Variants in ZBTB38 observed in about 807,000 individuals in gnomAD.
ZBTB38 encodes zinc finger and BTB domain containing 38.
ZBTB38 carries 20 observed loss-of-function variants against 76.8 expected under a neutral mutation model. That is an observed-to-expected ratio of 0.26 (90% CI 0.18 to 0.38). The LOEUF is 0.38. Ranked by LOEUF, ZBTB38 falls within the 10% of genes least tolerant of loss-of-function variation. ZBTB38 has a pLI of 1.00. For synonymous variants in ZBTB38, 504 were observed against 544.2 expected, an observed-to-expected ratio of 0.93 and a Z score of 1.03; for missense variants, 1,082 against 1,482.3, an observed-to-expected ratio of 0.73 and a Z score of 4.43.
intron 3 of ZBTB38, among the ~76,000 whole-genome samples, chr3:141,382,951 A>G (rs1430282437): frequency 6.6e-6 from 1 of 152,220 alleles, no homozygotes; most frequent in East Asian, 1.9e-4. Context: ...CTTTGCAATC[A>G]ATCAAACTTA....
chr3:141,416,430 G>T (rs2074067221), intron 5 of ZBTB38, among the ~76,000 whole-genome samples: 1 of 152,138 alleles, frequency 6.6e-6, no homozygotes, highest in Admixed American at 6.5e-5. Flanking sequence ...AACACAACTT[G>T]GGAGTGCAGC....
intron 1 of ZBTB38, among the ~76,000 whole-genome samples, chr3:141,354,053 T>A (rs563041976): frequency 6.6e-6 from 1 of 152,248 alleles, no homozygotes; most frequent in East Asian, 1.9e-4. Flanking sequence ...AAGTCAATAA[T>A]CCCTTCACAC....
At chr3:141,429,149 A>T (rs1259437062) in intron 5 of ZBTB38, among the ~76,000 whole-genome samples, 1 of 152,176 alleles carries the variant, frequency 6.6e-6, no homozygotes, top group East Asian at 1.9e-4. Flanking sequence ...TTTTGTATGC[A>T]GTATATTGGA....
intron 1 of ZBTB38, among the ~76,000 whole-genome samples, chr3:141,369,602 T>A (rs1040317432): frequency 2.6e-5 from 4 of 152,208 alleles, no homozygotes; most frequent in Admixed American, 2.0e-4. Flanking sequence ...TTTTCCCGGC[T>A]TCTAAGTCAT....
chr3:141,371,696 C>T (rs74958620), intron 2 of ZBTB38, among the ~76,000 whole-genome samples: 1,728 of 152,162 alleles, frequency 0.011, 41 homozygotes, highest in East Asian at 0.099. Context: ...ATTAATGCTA[C>T]CCCAAAAGAT....
rs1250824165 is a variant in ZBTB38 at position 141,445,898 on chromosome 3, G to C, written c.3510G>C (p.Glu1170Asp). The C allele has an allele frequency of 1.9e-6, 3 of 1,609,452 alleles. No homozygotes were observed. Among genetic ancestry groups the C allele is most frequent in the Non-Finnish European group, 2.5e-6 (3 of 1,180,010 alleles). ...DVCHENSNPLENQHFIGSEDN... is the reference protein window; with the variant it reads ...DVCHENSNPLDNQHFIGSEDN... ...GCCACGAAAACTCAAATCCCTTGGA[G>C]AATCAACATTTCATTGGTTCAGAAG... is the stretch of plus-strand genomic sequence containing the variant. Residue 1170 changes from glutamate to aspartate, a missense_variant, in exon 6 of 6, where the codon GAG becomes GAC. Physicochemically the swap from Glu to Asp is conservative, Grantham distance 45 (BLOSUM62 2). Transcript: ENST00000321464. The surrounding 1 kb of genome is among the most constrained non-coding windows in gnomAD (Gnocchi z 6.5).
chr3:141,390,587 A>C (rs944584047), intron 4 of ZBTB38, among the ~76,000 whole-genome samples: 1 of 152,162 alleles, frequency 6.6e-6, no homozygotes, highest in Non-Finnish European at 1.5e-5. Flanking sequence ...TGTGAGAAGA[A>C]TCTAGAAAGA....
At chr3:141,361,761 G>GC (rs1399025588) in intron 1 of ZBTB38, among the ~76,000 whole-genome samples, 4 of 152,108 alleles carry the variant, frequency 2.6e-5, no homozygotes, top group African/African-American at 9.7e-5. Flanking sequence ...GAGCCTCAGT[G>GC]CCCCCAAATA....
intron 5 of ZBTB38, among the ~76,000 whole-genome samples, chr3:141,418,989 A>G (rs2074734676): frequency 6.6e-6 from 1 of 152,186 alleles, no homozygotes; most frequent in African/African-American, 2.4e-5. Flanking sequence ...AGCTAACCAT[A>G]TTGTATTAGT....
At chr3:141,328,119 C>T (rs139908808) in intron 1 of ZBTB38, among the ~76,000 whole-genome samples, 34 of 152,292 alleles carry the variant, frequency 2.2e-4, no homozygotes, top group East Asian at 1.9e-3. Context: ...TTCGTTCGCA[C>T]GCCGCTGCAC....
At position 141,445,236 on chromosome 3, in the gene ZBTB38, C is replaced by T. The variant is rs749691647; in HGVS notation, c.2848C>T (p.His950Tyr). Residue 950 changes from histidine (H) to tyrosine (Y), a missense_variant, in exon 6 of 6, where the codon CAT becomes TAT. Physicochemically the swap from His to Tyr is moderately conservative, Grantham distance 83. Transcript: ENST00000321464. This position sits in a 1 kb window ranked among gnomAD's most constrained non-coding sequence, Gnocchi z 6.5. Reference sequence around the variant, plus strand: ...GGAGCACGGAAACAGGAGCCCGAGCCATAAATGTAAATACCCAGCAGAACT... The same window carrying T: ...GGAGCACGGAAACAGGAGCCCGAGCTATAAATGTAAATACCCAGCAGAACT... ...RKEHGNRSPSHKCKYPAELDC... is the reference protein window; with the variant it reads ...RKEHGNRSPSYKCKYPAELDC... 3.1e-6 allele frequency: 5 copies of T among 1,614,140 alleles called. No individual in the cohort carries two copies. The Admixed American group carries it at 8.3e-5, about 27-fold the overall frequency.
In ZBTB38 at chr3:141,448,183, C is replaced by G. The variant is rs879120927; in HGVS notation, c.*2207C>G. ...TAAAATTACCTGTAGTGATGTCTCT[C>G]TCCCAGCCCTTATATGTGGATATTT... On this transcript the variant is annotated 3_prime_UTR_variant, in exon 6 of 6. Coordinates refer to ENST00000321464, the MANE Select transcript of ZBTB38 (RefSeq NM_001376113.1). The G allele has an allele frequency of 1.3e-5, 2 of 152,736 alleles. No homozygotes were observed. The highest frequency in any genetic ancestry group is 4.1e-4 in the South Asian group (2 of 4,828). 9.5% of individuals were successfully genotyped at this position (152,736 alleles called of 1,614,324 possible).
intron 1 of ZBTB38, among the ~76,000 whole-genome samples, chr3:141,356,815 A>G (rs1943675714): frequency 6.6e-6 from 1 of 152,258 alleles, no homozygotes; most frequent in South Asian, 2.1e-4. Flanking sequence ...CTGGGAAATT[A>G]TCTTAATAAG....
Position 141,340,875 on chromosome 3 carries a change from C to T in ZBTB38, c.-739+16419C>T, listed in dbSNP as rs149321810. The stretch of plus-strand genomic sequence containing the variant: ...TTGCGCAACTGCACTCCAGCCTGGG[C>T]GACAGAGCAAGACTCTGTCTCCAAA... On this transcript the variant is annotated intron_variant, in intron 1 of 7. Transcript: ENST00000509842. 8.7e-3 allele frequency among the ~76,000 whole-genome samples: 931 copies of T among 106,986 alleles called. 8 individuals carry two copies. Among genetic ancestry groups the T allele is most frequent in the African/African-American group, 0.035 (879 of 24,932 alleles). The allele number at this position is 106,986 out of a possible 152,430, so 70.2% of individuals were successfully genotyped here.
In ZBTB38 at chr3:141,443,497, C is replaced by A. The variant is rs1476904777; in HGVS notation, c.1109C>A (p.Pro370His). ...CAGCTTCACAAGCCAACCCAGGAGCCTTTAGTGTGCAAGTATTGCAACAAA... is the reference window on the plus strand; with the variant it reads ...CAGCTTCACAAGCCAACCCAGGAGCATTTAGTGTGCAAGTATTGCAACAAA... ...HMQLHKPTQE[P>H]LVCKYCNKQF... Residue 370 changes from proline (P) to histidine (H), a missense_variant, in exon 6 of 6, where the codon CCT becomes CAT. Pro to His is a moderately conservative substitution (Grantham distance 77, BLOSUM62 -2). Coordinates refer to ENST00000321464, the MANE Select transcript of ZBTB38 (RefSeq NM_001376113.1). This position sits in a 1 kb window ranked among gnomAD's most constrained non-coding sequence, Gnocchi z 5.6. The A allele has an allele frequency of 1.2e-6, 2 of 1,614,082 alleles. No individual in the cohort carries two copies. Among genetic ancestry groups the A allele is most frequent in the African/African-American group, 2.7e-5 (2 of 74,926 alleles).
At chr3:141,421,294 T>C (rs2150165961) in intron 5 of ZBTB38, among the ~76,000 whole-genome samples, 1 of 150,616 alleles carries the variant, frequency 6.6e-6, no homozygotes, top group South Asian at 2.1e-4. Context: ...TTTTTTTTTT[T>C]TTTTCTGTTT....
At chr3:141,382,447 G>T (rs561334661) in intron 3 of ZBTB38, among the ~76,000 whole-genome samples, 1 of 152,150 alleles carries the variant, frequency 6.6e-6, no homozygotes, top group African/African-American at 2.4e-5. Flanking sequence ...TGGGCAAATC[G>T]TTGTATCTCT....
chr3:141,370,636 C>T (rs1055426993), intron 2 of ZBTB38, among the ~76,000 whole-genome samples: 4 of 152,256 alleles, frequency 2.6e-5, no homozygotes, highest in Non-Finnish European at 2.9e-5. Context: ...GCCATGAGGG[C>T]AAGATGCAAT....
At chr3:141,384,208 C>T (rs1167184876) in intron 3 of ZBTB38, among the ~76,000 whole-genome samples, 1 of 152,200 alleles carries the variant, frequency 6.6e-6, no homozygotes, top group Non-Finnish European at 1.5e-5. Context: ...GGACAGAGAA[C>T]CCCACAGGGG....
Sources: allele counts gnomAD v4.1 joint callset (sites outside exome capture counted in the v4.1 genomes callset), GRCh38; gene constraint gnomAD v4.1.1; non-coding constraint Gnocchi (gnomAD v3.1); transcripts MANE v1.5; gene names NCBI Gene and HGNC (gene_info 2026-07-23, HGNC 2026-07-21).